The following BARD1 variants were observed in gnomAD, a reference collection of about 807,000 sequenced individuals.
The protein encoded by BARD1 is BRCA1 associated RING domain 1, also known as BRCA1-associated RING domain protein 1.
A neutral mutation model predicts 77.0 loss-of-function variants in BARD1; 73 were observed. The ratio of observed to expected loss-of-function variants is 0.95; its 90% confidence interval spans 0.79 to 1.15. BARD1 has a LOEUF of 1.15. BARD1 is among the 50% of genes most tolerant of loss of function. BARD1 has a pLI of 0.00. For synonymous variants in BARD1, 384 were observed against 338.0 expected (o/e 1.14, Z -1.49); for missense variants, 993 against 938.8 (o/e 1.06, Z -0.75).
At chr2:214,751,151 A>ATATATATTTTTTTT (rs1693429141) in intron 7 of BARD1, among the ~76,000 whole-genome samples, 1 of 37,198 alleles carries the variant, frequency 2.7e-5, no homozygotes, top group Non-Finnish European at 4.6e-5. Context: ...ATATATATAT[A>ATATATATTTTTTTT]TTTTTTTTTT....
chr2:214,752,639 T>G, intron 6 of BARD1, 84 bp from the exon 7 acceptor site: 2 of 985,190 alleles, frequency 2.0e-6, no homozygotes, highest in Non-Finnish European at 3.2e-6. Flanking sequence ...AATATACAAT[T>G]TTAACTAAAA....
intron 9 of BARD1, among the ~76,000 whole-genome samples, chr2:214,741,867 A>T (rs1692848661): frequency 6.6e-6 from 1 of 152,208 alleles, no homozygotes; most frequent in Admixed American, 6.5e-5. Flanking sequence ...TTAAGACAGA[A>T]CACTTCAACA....
In BARD1 at chr2:214,784,649, T is replaced by C. The variant is rs187510059; in HGVS notation, c.365-3140A>G. Among the ~76,000 whole-genome samples, 474 of 152,260 alleles carry C rather than the reference T, an allele frequency of 3.1e-3. 1 individual carries two copies. The highest frequency in any genetic ancestry group is 0.011 in the African/African-American group (449 of 41,562). The stretch of plus-strand genomic sequence containing the variant: ...ACCCAAATGCCCATCAATGACAGAC[T>C]GGATAAAGAAAATGTGGCACATATA... On this transcript the variant is annotated intron_variant, in intron 3 of 10. Coordinates refer to ENST00000260947, the MANE Select transcript of BARD1 (RefSeq NM_000465.4).
At chr2:214,752,638 T>A in intron 6 of BARD1, 83 bp from the exon 7 acceptor site, 1 of 988,862 alleles carries the variant, frequency 1.0e-6, no homozygotes, top group Non-Finnish European at 1.6e-6. Context: ...TAATATACAA[T>A]TTTAACTAAA....
At chr2:214,788,493 T>C (rs1253602513) in intron 3 of BARD1, among the ~76,000 whole-genome samples, 2 of 152,092 alleles carry the variant, frequency 1.3e-5, no homozygotes, top group Non-Finnish European at 2.9e-5. Context: ...ATACACTATG[T>C]CCATGATTTG....
At position 214,767,008 on chromosome 2, in the gene BARD1, T is replaced by C. The variant is rs137924968; in HGVS notation, c.1568+474A>G. ...ACACTCAAGTAGACTCTGGTGTCTG[T>C]TGTTCCCTTCTTTGTGTTCATGAAT... is the stretch of plus-strand genomic sequence containing the variant. On this transcript the variant is annotated intron_variant, in intron 6 of 10. Transcript: ENST00000260947. Among the ~76,000 whole-genome samples the C allele has an allele frequency of 9.8e-3, 1,489 of 152,244 alleles. 22 individuals carry two copies. The highest frequency in any genetic ancestry group is 0.033 in the African/African-American group (1,384 of 41,558).
chr2:214,799,471 A>C (rs1349939812), intron 1 of BARD1, among the ~76,000 whole-genome samples: 1 of 152,130 alleles, frequency 6.6e-6, no homozygotes, highest in African/African-American at 2.4e-5. Context: ...CTTTACTGGA[A>C]CTTAATGGTG....
chr2:214,791,905 G>A (rs1695529371), intron 3 of BARD1, among the ~76,000 whole-genome samples: 1 of 152,102 alleles, frequency 6.6e-6, no homozygotes, highest in African/African-American at 2.4e-5. Context: ...CCAGCTTCTA[G>A]TACTAACTAC....
intron 6 of BARD1, among the ~76,000 whole-genome samples, chr2:214,767,205 T>C (rs1402376853): frequency 1.3e-5 from 2 of 152,070 alleles, no homozygotes. Context: ...TGTAACACAT[T>C]TTTTTTATCC....
intron 9 of BARD1, among the ~76,000 whole-genome samples, chr2:214,742,823 T>C: frequency 6.6e-6 from 1 of 152,152 alleles, no homozygotes. Flanking sequence ...CATTCAAAAT[T>C]TCGTATGGCT....
chr2:214,767,449 T>C lies in BARD1; in HGVS notation c.1568+33A>G, dbSNP rs1229734737. ...ACCTTGATTCAAGAATATAGGTCCA[T>C]TTTAAAAATAATTTTTACGTTGAAC... On this transcript the variant is annotated intron_variant, in intron 6 of 10. Transcript: ENST00000260947. 7 of 1,599,394 alleles carry C rather than the reference T, an allele frequency of 4.4e-6. No homozygotes were observed. The South Asian group carries it at 5.5e-5, about 13-fold the overall frequency.
At chr2:214,796,135 C>G (rs1321294874) in intron 2 of BARD1, among the ~76,000 whole-genome samples, 1 of 152,092 alleles carries the variant, frequency 6.6e-6, no homozygotes, top group East Asian at 1.9e-4. Flanking sequence ...CTATATTTTC[C>G]CTGTCTCATA....
Position 214,745,168 on chromosome 2 carries a change from C to G in BARD1, c.1811-9G>C. ...AACAACAACATGAGTTACTAAAATACAAAAAAAGCAGTAAGAGAAAGAAAG... is the reference window on the plus strand; with the variant it reads ...AACAACAACATGAGTTACTAAAATAGAAAAAAAGCAGTAAGAGAAAGAAAG... On this transcript the variant is annotated splice_polypyrimidine_tract_variant and intron_variant, in intron 8 of 10. Coordinates refer to ENST00000260947, the MANE Select transcript of BARD1 (RefSeq NM_000465.4). The G allele has an allele frequency of 6.2e-7, 1 of 1,609,026 alleles. No individual in the cohort carries two copies. The highest frequency in any genetic ancestry group is 8.5e-7 in the Non-Finnish European group (1 of 1,175,668).
intron 3 of BARD1, among the ~76,000 whole-genome samples, chr2:214,782,237 T>C (rs933816986): frequency 7.9e-5 from 12 of 152,122 alleles, no homozygotes; most frequent in Admixed American, 2.6e-4. Flanking sequence ...TATTCAAACA[T>C]AATCTCTTAA....
intron 6 of BARD1, among the ~76,000 whole-genome samples, chr2:214,765,007 A>G (rs2106070202): frequency 6.6e-6 from 1 of 152,242 alleles, no homozygotes; most frequent in Admixed American, 6.5e-5. Flanking sequence ...GGTGAAATAA[A>G]CCCTACTTCC....
At chr2:214,787,569 G>A (rs1695328833) in intron 3 of BARD1, among the ~76,000 whole-genome samples, 1 of 151,900 alleles carries the variant, frequency 6.6e-6, no homozygotes, top group Non-Finnish European at 1.5e-5. Flanking sequence ...ATGCTTCTCA[G>A]CATGATAAAT....
At chr2:214,739,366 G>A (rs1358283672) in intron 9 of BARD1, among the ~76,000 whole-genome samples, 1 of 152,024 alleles carries the variant, frequency 6.6e-6, no homozygotes. Context: ...TGTCACTCAA[G>A]ATAACAGTAT....
At chr2:214,778,551 C>T (rs1407961476) in intron 4 of BARD1, among the ~76,000 whole-genome samples, 1 of 152,092 alleles carries the variant, frequency 6.6e-6, no homozygotes, top group Non-Finnish European at 1.5e-5. Context: ...AAGACAGGAG[C>T]ATGCCATCAT....
Position 214,774,898 on chromosome 2 carries a change from C to T in BARD1, c.1315-5586G>A, listed in dbSNP as rs554597873. Among the ~76,000 whole-genome samples, 4 of 152,298 alleles carry T rather than the reference C, an allele frequency of 2.6e-5. No individual in the cohort carries two copies. The East Asian group carries it at 7.7e-4, about 29-fold the overall frequency. On this transcript the variant is annotated intron_variant, in intron 4 of 10. Transcript: ENST00000260947. ...TATTATGGAGACAGCTTTTTTCCTT[C>T]AACTTCATGAACCAACCTCTGCTAG...
Sources: gnomAD v4.1 joint callset for allele counts (sites outside exome capture counted in the v4.1 genomes callset) on GRCh38, gnomAD v4.1.1 for gene constraint, MANE v1.5 for transcripts, NCBI Gene and HGNC (gene_info 2026-07-23, HGNC 2026-07-21) for gene names.